The following RORA variants were observed in gnomAD, a reference collection of about 807,000 sequenced individuals.
RORA encodes RAR related orphan receptor A.
Under a neutral mutation model 69.5 loss-of-function variants are expected in RORA, and 7 were observed. The observed-to-expected ratio is 0.10, with a 90% CI of 0.06 to 0.19. The LOEUF is 0.19. Ranked by LOEUF, RORA falls within the 10% of genes least tolerant of loss-of-function variation. The pLI is 1.00. For synonymous variants in RORA, 261 were observed against 240.8 expected (o/e 1.08, Z -0.78); for missense variants, 457 against 663.0 (o/e 0.69, Z 3.41).
intron 1 of RORA, among the ~76,000 whole-genome samples, chr15:61,196,712 T>A (rs1470972888): frequency 6.6e-6 from 1 of 152,214 alleles, no homozygotes; most frequent in East Asian, 1.9e-4. Context: ...AGCATCTGCT[T>A]ACCTAATAAT....
intron 2 of RORA, among the ~76,000 whole-genome samples, chr15:60,630,888 CTTTT>C (rs542275787): frequency 1.8e-4 from 20 of 109,884 alleles, no homozygotes; most frequent in African/African-American, 6.8e-4. Flanking sequence ...ATGAGACTTT[CTTTT>C]TTTTTTTTTT....
intron 1 of RORA, among the ~76,000 whole-genome samples, chr15:60,779,372 C>T (rs4774372): frequency 0.53 from 81,164 of 151,906 alleles, 22,447 homozygotes; most frequent in East Asian, 0.69. Context: ...CAAAGGCTCA[C>T]CAATGGTCCA....
At chr15:61,223,446 A>C (rs1304066311) in intron 1 of RORA, among the ~76,000 whole-genome samples, 1 of 152,216 alleles carries the variant, frequency 6.6e-6, no homozygotes, top group African/African-American at 2.4e-5. Flanking sequence ...AACTAATTGA[A>C]TTTCTATTTT....
At chr15:61,133,154 A>T (rs1326795579) in intron 1 of RORA, among the ~76,000 whole-genome samples, 1 of 152,194 alleles carries the variant, frequency 6.6e-6, no homozygotes, top group African/African-American at 2.4e-5. Context: ...CAAAAAAAAA[A>T]ACTTGCCCTG....
At chr15:60,818,840 C>A (rs372439725) in intron 1 of RORA, among the ~76,000 whole-genome samples, 4 of 152,180 alleles carry the variant, frequency 2.6e-5, no homozygotes, top group African/African-American at 4.8e-5. Context: ...AAGCCCAGCA[C>A]GAAACTTGCT....
chr15:60,703,449 TA>T (rs5813035), intron 1 of RORA, among the ~76,000 whole-genome samples: 36,666 of 152,004 alleles, frequency 0.24, 5,658 homozygotes, highest in Non-Finnish European at 0.35. Context: ...TCAATGAACA[TA>T]GAACGCACAG....
chr15:61,002,895 G>T (rs1363998413), intron 1 of RORA, among the ~76,000 whole-genome samples: 1 of 149,934 alleles, frequency 6.7e-6, no homozygotes, highest in Admixed American at 6.7e-5. Context: ...ACTTTGGGAA[G>T]AAGAGGCGGG....
At chr15:60,994,391 T>A (rs897234765) in intron 1 of RORA, among the ~76,000 whole-genome samples, 7 of 152,216 alleles carry the variant, frequency 4.6e-5, no homozygotes, top group African/African-American at 1.7e-4. Flanking sequence ...AGAAACTGAA[T>A]GTAACGTAAC....
chr15:60,770,892 G>A (rs540672578), intron 1 of RORA, among the ~76,000 whole-genome samples: 2 of 152,136 alleles, frequency 1.3e-5, no homozygotes, highest in Non-Finnish European at 2.9e-5. Context: ...CACAGTTAAG[G>A]TTGTCAGGTA....
At chr15:60,593,038 A>C (rs1462688913) in intron 2 of RORA, 1 of 440,336 alleles carries the variant, frequency 2.3e-6, no homozygotes, top group Non-Finnish European at 4.5e-6. Context: ...TCTAATCGGA[A>C]GGTACGGCCC....
chr15:60,942,846 T>C (rs573369289), intron 1 of RORA, among the ~76,000 whole-genome samples: 100 of 152,296 alleles, frequency 6.6e-4, no homozygotes, highest in African/African-American at 2.3e-3. Context: ...AAGACACAAT[T>C]CCAAGGCTGG....
At chr15:60,902,346 G>A (rs191946999) in intron 1 of RORA, among the ~76,000 whole-genome samples, 12 of 152,114 alleles carry the variant, frequency 7.9e-5, no homozygotes, top group African/African-American at 2.9e-4. Context: ...TAGTAAAAGG[G>A]ATTTGTGGGC....
At chr15:60,904,845 T>C (rs184542147) in intron 1 of RORA, among the ~76,000 whole-genome samples, 1 of 151,584 alleles carries the variant, frequency 6.6e-6, no homozygotes, top group African/African-American at 2.4e-5. Context: ...TAAAGAAAAA[T>C]AGGGGTGGTG....
At chr15:61,035,366 C>G (rs1896402632) in intron 1 of RORA, among the ~76,000 whole-genome samples, 1 of 152,070 alleles carries the variant, frequency 6.6e-6, no homozygotes, top group Admixed American at 6.5e-5. Flanking sequence ...AAGATTTTTA[C>G]TTACCCACAC....
At chr15:61,076,926 T>A (rs2078458923) in intron 1 of RORA, among the ~76,000 whole-genome samples, 1 of 144,524 alleles carries the variant, frequency 6.9e-6, no homozygotes, top group African/African-American at 2.5e-5. Context: ...TCTCCCTTGC[T>A]TGTTCAAAGT....
rs538999255 is a variant in RORA at position 60,732,683 on chromosome 15, C to T, written c.167-53997G>A. Among the ~76,000 whole-genome samples, 9 of 152,174 alleles carry T rather than the reference C, an allele frequency of 5.9e-5. No homozygotes were observed. In the East Asian group the frequency reaches 1.5e-3, roughly 26 times the overall value. ...TCACTCGTACATATCCACCCGTGGA[C>T]AAACACACGTGTACACACACCCCCC... On this transcript the variant is annotated intron_variant, in intron 1 of 10. Coordinates refer to ENST00000335670, the MANE Select transcript of RORA (RefSeq NM_134261.3).
At chr15:60,702,523 C>T (rs1354946055) in intron 1 of RORA, among the ~76,000 whole-genome samples, 7 of 152,080 alleles carry the variant, frequency 4.6e-5, no homozygotes, top group East Asian at 3.9e-4. Context: ...TGAGCCACCG[C>T]GCCTGGCCAG....
At chr15:60,768,539 A>C (rs868844406) in intron 1 of RORA, among the ~76,000 whole-genome samples, 1 of 152,198 alleles carries the variant, frequency 6.6e-6, no homozygotes, top group South Asian at 2.1e-4. Flanking sequence ...TTCCACTCCC[A>C]TACTATTTTT....
intron 1 of RORA, among the ~76,000 whole-genome samples, chr15:61,197,590 G>A (rs1021076945): frequency 6.6e-6 from 1 of 152,148 alleles, no homozygotes; most frequent in Non-Finnish European, 1.5e-5. Flanking sequence ...AACTCTGTAG[G>A]TAACCTCTCA....
Sources: allele counts gnomAD v4.1 joint callset (sites outside exome capture counted in the v4.1 genomes callset), GRCh38; gene constraint gnomAD v4.1.1; transcripts MANE v1.5; gene names NCBI Gene and HGNC (gene_info 2026-07-23, HGNC 2026-07-21).